CPNE4: variants seen among roughly 807,000 people sequenced by gnomAD.
The protein encoded by CPNE4 is copine 4.
A neutral mutation model predicts 67.9 loss-of-function variants in CPNE4; 25 were observed. The observed-to-expected ratio is 0.37, with a 90% CI of 0.27 to 0.51. The LOEUF (loss-of-function observed/expected upper bound fraction) is 0.51. Ranked by LOEUF, CPNE4 falls within the 20% of genes least tolerant of loss-of-function variation. The pLI, the probability that CPNE4 is intolerant of heterozygous loss-of-function variation, is 0.93. For missense variants in CPNE4, 464 were observed against 690.8 expected (o/e 0.67, Z 3.68); for synonymous variants, 242 against 244.9 (o/e 0.99, Z 0.11).
At chr3:131,648,240 C>G (rs2079715641) in intron 7 of CPNE4, among the ~76,000 whole-genome samples, 1 of 152,162 alleles carries the variant, frequency 6.6e-6, no homozygotes, top group Admixed American at 6.5e-5. Context: ...GGTGTGATGG[C>G]ATGCATCTGT....
At chr3:131,789,323 G>C (rs1246359425) in intron 2 of CPNE4, among the ~76,000 whole-genome samples, 1 of 152,122 alleles carries the variant, frequency 6.6e-6, no homozygotes, top group Non-Finnish European at 1.5e-5. Flanking sequence ...TACTCTCAGA[G>C]ACTCACATTC....
chr3:131,845,438 A>G (rs538807863), intron 2 of CPNE4, among the ~76,000 whole-genome samples: 1 of 152,368 alleles, frequency 6.6e-6, no homozygotes, highest in South Asian at 2.1e-4. Flanking sequence ...TTTATTCTTT[A>G]CTATGCAGTT....
chr3:131,638,533 T>C (rs547408328), intron 7 of CPNE4, among the ~76,000 whole-genome samples: 6 of 152,218 alleles, frequency 3.9e-5, no homozygotes, highest in African/African-American at 1.2e-4. Flanking sequence ...CAATTACTCA[T>C]ACTAGACCTA....
At chr3:131,741,439 C>T (rs186413884) in intron 2 of CPNE4, among the ~76,000 whole-genome samples, 2 of 151,912 alleles carry the variant, frequency 1.3e-5, no homozygotes, top group East Asian at 1.9e-4. Context: ...AGGGAATTCT[C>T]ATAACAGTCT....
intron 2 of CPNE4, among the ~76,000 whole-genome samples, chr3:131,806,672 T>C (rs143536165): frequency 1.3e-5 from 2 of 151,858 alleles, no homozygotes; most frequent in East Asian, 3.9e-4. Context: ...GTGAAAATTT[T>C]ATTTAAAAAT....
At chr3:131,913,438 G>A (rs1297725305) in intron 1 of CPNE4, among the ~76,000 whole-genome samples, 1 of 152,140 alleles carries the variant, frequency 6.6e-6, no homozygotes, top group African/African-American at 2.4e-5. Flanking sequence ...CACACTGCTC[G>A]TGCTCCCCTC....
At chr3:132,032,248 G>A (rs996793602) in intron 1 of CPNE4, among the ~76,000 whole-genome samples, 18 of 152,156 alleles carry the variant, frequency 1.2e-4, no homozygotes, top group Non-Finnish European at 2.1e-4. Flanking sequence ...TCACTGTACC[G>A]CATCTGTGCC....
At chr3:131,689,070 C>T (rs2080964794) in intron 5 of CPNE4, among the ~76,000 whole-genome samples, 1 of 152,146 alleles carries the variant, frequency 6.6e-6, no homozygotes, top group South Asian at 2.1e-4. Flanking sequence ...CAAGAATGGC[C>T]TCTGTCTTCA....
chr3:131,629,105 G>T (rs1255401999), intron 7 of CPNE4, among the ~76,000 whole-genome samples: 1 of 152,112 alleles, frequency 6.6e-6, no homozygotes, highest in Non-Finnish European at 1.5e-5. Context: ...TTGTGTCTTT[G>T]CTCTCATTGG....
intron 1 of CPNE4, among the ~76,000 whole-genome samples, chr3:132,020,518 A>G (rs1204852256): frequency 6.6e-6 from 1 of 152,258 alleles, no homozygotes; most frequent in Non-Finnish European, 1.5e-5. Context: ...GAAGGGTGGC[A>G]TAGTATATGC....
chr3:131,587,661 G>T (rs1938275674), intron 7 of CPNE4, 79 bp from the exon 8 acceptor site: 3 of 1,001,756 alleles, frequency 3.0e-6, no homozygotes, highest in Non-Finnish European at 4.6e-6. Context: ...AACTTTAGGA[G>T]AAAGAGTAGA....
intron 15 of CPNE4, among the ~76,000 whole-genome samples, chr3:131,536,838 A>G (rs375277621): frequency 1.6e-3 from 249 of 152,322 alleles, no homozygotes; most frequent in African/African-American, 5.5e-3. Flanking sequence ...TACAAAAGTC[A>G]TTTATACCCT....
intron 1 of CPNE4, among the ~76,000 whole-genome samples, chr3:131,986,996 A>G (rs2073065678): frequency 6.6e-6 from 1 of 152,174 alleles, no homozygotes; most frequent in African/African-American, 2.4e-5. Context: ...CAATTAAATC[A>G]GAATCTCTGG....
chr3:131,975,779 T>C (rs2072633481), intron 1 of CPNE4, among the ~76,000 whole-genome samples: 1 of 152,178 alleles, frequency 6.6e-6, no homozygotes, highest in Admixed American at 6.5e-5. Flanking sequence ...TAAACATATA[T>C]ATGCATGCAT....
chr3:131,859,126 C>A (rs1042611061), intron 2 of CPNE4, among the ~76,000 whole-genome samples: 3 of 152,144 alleles, frequency 2.0e-5, no homozygotes, highest in Non-Finnish European at 2.9e-5. Flanking sequence ...ATGTAAGTGT[C>A]AGAAGTCATA....
intron 6 of CPNE4, among the ~76,000 whole-genome samples, chr3:131,679,116 G>A (rs1271203815): frequency 6.6e-6 from 1 of 152,096 alleles, no homozygotes; most frequent in African/African-American, 2.4e-5. Flanking sequence ...CTCGTTATTG[G>A]TCTGTTCAGA....
At chr3:131,927,364 A>G (rs1400632882) in intron 1 of CPNE4, among the ~76,000 whole-genome samples, 4 of 152,076 alleles carry the variant, frequency 2.6e-5, no homozygotes, top group African/African-American at 9.7e-5. Context: ...ATTAAGAGCA[A>G]ACTCCCTAAT....
intron 14 of CPNE4, among the ~76,000 whole-genome samples, chr3:131,545,550 A>G (rs1582763669): frequency 1.3e-5 from 2 of 152,246 alleles, no homozygotes; most frequent in African/African-American, 4.8e-5. Context: ...GTTATATTAC[A>G]GTACCTACAT....
chr3:131,897,516 C>T (rs908469020), intron 2 of CPNE4, among the ~76,000 whole-genome samples: 3 of 152,082 alleles, frequency 2.0e-5, no homozygotes, highest in Non-Finnish European at 4.4e-5. Flanking sequence ...TCACTTACCA[C>T]TTGTGTGACC....
Sources: gnomAD v4.1 joint callset for allele counts (sites outside exome capture counted in the v4.1 genomes callset) on GRCh38, gnomAD v4.1.1 for gene constraint, MANE v1.5 for transcripts, NCBI Gene and HGNC (gene_info 2026-07-23, HGNC 2026-07-21) for gene names.